The following SPECC1L variants were observed in gnomAD, a reference collection of about 807,000 sequenced individuals.
SPECC1L encodes cytospin-A.
SPECC1L carries 40 observed loss-of-function variants against 116.8 expected under a neutral mutation model. The ratio of observed to expected loss-of-function variants is 0.34; its 90% CI spans 0.27 to 0.45. The LOEUF (loss-of-function observed/expected upper bound fraction) is 0.45. Ranked by LOEUF, SPECC1L falls within the 20% of genes least tolerant of loss-of-function variation. The pLI, the probability that SPECC1L is intolerant of heterozygous loss-of-function variation, is 1.00. For synonymous variants in SPECC1L, 504 were observed against 500.6 expected (o/e 1.01, Z -0.09); for missense variants, 1,110 against 1,373.6 (o/e 0.81, Z 3.03).
At chr22:24,308,265 G>GA (rs890452484) in intron 3 of SPECC1L, among the ~76,000 whole-genome samples, 12 of 151,310 alleles carry the variant, frequency 7.9e-5, no homozygotes, top group Admixed American at 2.6e-4. Context: ...TAGCAAAAGA[G>GA]AAAAAAAAAT....
intron 4 of SPECC1L, among the ~76,000 whole-genome samples, chr22:24,318,847 T>A (rs1215078009): frequency 1.3e-5 from 2 of 151,800 alleles, no homozygotes; most frequent in Non-Finnish European, 2.9e-5. Context: ...GAGGATCACC[T>A]GAGCCTGGGA....
rs539835151 is a variant in SPECC1L at position 24,359,109 on chromosome 22, A to AG, written c.2744-4152_2744-4151insG. On this transcript the variant is annotated intron_variant, in intron 11 of 16. Coordinates refer to ENST00000314328, the MANE Select transcript of SPECC1L (RefSeq NM_015330.6). The stretch of plus-strand genomic sequence containing the variant: ...ATCTTTCCTTTGTTAAGAAAAAAAA[A>AG]CTATCCTCCCTCTGTTGCCCACCAG... 2.6e-3 allele frequency among the ~76,000 whole-genome samples: 398 copies of AG among 152,094 alleles called. 2 individuals are homozygous for AG. Among genetic ancestry groups the AG allele is most frequent in the African/African-American group, 8.9e-3 (371 of 41,510 alleles).
At chr22:24,271,008 C>G (rs892998990) in intron 1 of SPECC1L, 25 bp downstream of exon 1, 5 of 152,330 alleles carry the variant, frequency 3.3e-5, no homozygotes, top group Admixed American at 3.3e-4. Flanking sequence ...CGGGTTCCCG[C>G]AGTGTTCGCT....
chr22:24,321,560 A>C lies in SPECC1L; in HGVS notation c.580A>C (p.Thr194Pro). ...GAAGGATCTTCTCACGCTGGCAAAAACCAAAGACGTAGAAATTTTACATTT... is the reference window on the plus strand; with the variant it reads ...GAAGGATCTTCTCACGCTGGCAAAACCCAAAGACGTAGAAATTTTACATTT... ...KVKDLLTLAK[T>P]KDVEILHLRN... The change falls in exon 5 of 17, where the codon ACC becomes CCC. Residue 194 changes from threonine to proline, a missense_variant. By Grantham distance (38) the Thr-to-Pro change is conservative. Transcript: ENST00000314328. The C allele has an allele frequency of 6.2e-7, 1 of 1,614,214 alleles. No homozygotes were observed. The highest frequency in any genetic ancestry group is 8.5e-7 in the Non-Finnish European group (1 of 1,180,036).
intron 1 of SPECC1L, among the ~76,000 whole-genome samples, chr22:24,276,189 C>T (rs1045626103): frequency 4.6e-5 from 7 of 151,932 alleles, no homozygotes; most frequent in South Asian, 2.1e-4. Flanking sequence ...CCAGCCTGGG[C>T]GACATAACGG....
At chr22:24,327,277 C>CAAAAAAAA (rs58725731) in intron 6 of SPECC1L, among the ~76,000 whole-genome samples, 9 of 41,974 alleles carry the variant, frequency 2.1e-4, no homozygotes, top group Non-Finnish European at 3.3e-4. Flanking sequence ...GACTCCGTCT[C>CAAAAAAAA]AAAAAAAAAA....
At chr22:24,282,892 C>T (rs559532037) in intron 2 of SPECC1L, among the ~76,000 whole-genome samples, 8 of 151,294 alleles carry the variant, frequency 5.3e-5, no homozygotes, top group Admixed American at 1.3e-4. Flanking sequence ...ATTCTCCTGC[C>T]GTAGCCTCCC....
rs1005974498 is a variant in SPECC1L, at chr22:24,365,766, C to T, written c.2984+134C>T. On this transcript the variant is annotated intron_variant, in intron 13 of 16. Transcript: ENST00000314328. Reference sequence around the variant, plus strand: ...TTCTGTGTGTTGTTTGCGAATCTTTCTTATATCCAGAATTGAGTAAATGGT... The same window carrying T: ...TTCTGTGTGTTGTTTGCGAATCTTTTTTATATCCAGAATTGAGTAAATGGT... 4.3e-6 allele frequency: 4 copies of T among 933,610 alleles called. No individual in the cohort carries two copies. The African/African-American group carries it at 6.6e-5, about 15-fold the overall frequency. 57.8% of individuals were successfully genotyped at this position (933,610 alleles called of 1,614,324 possible).
chr22:24,316,805 G>A (rs932426927), intron 4 of SPECC1L, among the ~76,000 whole-genome samples: 6 of 146,684 alleles, frequency 4.1e-5, no homozygotes, highest in African/African-American at 1.3e-4. Context: ...ACACCTCCCA[G>A]ACGGGGTGGT....
chr22:24,296,376 T>C (rs1467265899), intron 2 of SPECC1L, among the ~76,000 whole-genome samples: 1 of 152,206 alleles, frequency 6.6e-6, no homozygotes, highest in African/African-American at 2.4e-5. Context: ...TATTTTGGTG[T>C]TTTTAAGAAA....
intron 4 of SPECC1L, among the ~76,000 whole-genome samples, chr22:24,313,842 G>A (rs1231658358): frequency 6.6e-6 from 1 of 150,958 alleles, no homozygotes; most frequent in African/African-American, 2.4e-5. Context: ...AGGTTCAAGC[G>A]ATTCTCCTGC....
At chr22:24,411,418 G>C (rs530672523) in intron 14 of SPECC1L, among the ~76,000 whole-genome samples, 170 bp from the exon 15 acceptor site, 8 of 152,324 alleles carry the variant, frequency 5.3e-5, no homozygotes, top group African/African-American at 1.9e-4. Flanking sequence ...GGGTGGGACG[G>C]GTTGGGGAGT....
At chr22:24,412,753 T>A in intron 16 of SPECC1L, 46 bp downstream of exon 16, 1 of 1,595,484 alleles carries the variant, frequency 6.3e-7, no homozygotes, top group Non-Finnish European at 8.6e-7. Flanking sequence ...CTCCTTCTGG[T>A]TAAGAAGAGT....
intron 14 of SPECC1L, among the ~76,000 whole-genome samples, chr22:24,373,071 A>G (rs1410899887): frequency 6.6e-6 from 1 of 152,234 alleles, no homozygotes; most frequent in African/African-American, 2.4e-5. Flanking sequence ...CTTATAAGGG[A>G]CATGAAGGAC....
At chr22:24,319,096 TTCC>T (rs2040665445) in intron 4 of SPECC1L, among the ~76,000 whole-genome samples, 1 of 152,186 alleles carries the variant, frequency 6.6e-6, no homozygotes. Flanking sequence ...CCTGCCCACA[TTCC>T]TCCTCTGCTG....
At chr22:24,387,278 T>C (rs1157970549) in intron 14 of SPECC1L, among the ~76,000 whole-genome samples, 1 of 152,230 alleles carries the variant, frequency 6.6e-6, no homozygotes, top group Non-Finnish European at 1.5e-5. Flanking sequence ...ACATGTAATA[T>C]TGAGCAGAAG....
rs554377158 is a variant in SPECC1L, at chr22:24,381,035, T to C, written c.3087+11715T>C. ...TGTCCAGAGACAACCACTTTTAATT[T>C]TTTTAGCCGTTGTCTTTAGGGTTTG... is the stretch of plus-strand genomic sequence containing the variant. On this transcript the variant is annotated intron_variant, in intron 14 of 16. Coordinates refer to ENST00000314328, the MANE Select transcript of SPECC1L (RefSeq NM_015330.6). Among the ~76,000 whole-genome samples the C allele has an allele frequency of 2.6e-5, 4 of 152,324 alleles. No individual in the cohort carries two copies. In the East Asian group the frequency reaches 5.8e-4, roughly 22 times the overall value.
At position 24,398,791 on chromosome 22, in the gene SPECC1L, A is replaced by C. The variant is rs2042414585; in HGVS notation, c.3088-12797A>C. ...TCCTCAAACAATCCAGTTCCCCTAAAGAGGCCAGGAAAGCTTTTGGGGGTT... is the reference window on the plus strand; with the variant it reads ...TCCTCAAACAATCCAGTTCCCCTAACGAGGCCAGGAAAGCTTTTGGGGGTT... On this transcript the variant is annotated intron_variant, in intron 14 of 16. Transcript: ENST00000314328. Among the ~76,000 whole-genome samples the C allele has an allele frequency of 1.3e-5, 2 of 152,136 alleles. 1 individual carries two copies. Among genetic ancestry groups the C allele is most frequent in the South Asian group, 4.1e-4 (2 of 4,826 alleles).
chr22:24,358,934 C>T (rs953133519), intron 11 of SPECC1L, among the ~76,000 whole-genome samples: 1 of 152,172 alleles, frequency 6.6e-6, no homozygotes, highest in Non-Finnish European at 1.5e-5. Context: ...TCTCTGTTTA[C>T]GTTTATCCAC....
Sources: allele counts gnomAD v4.1 joint callset (sites outside exome capture counted in the v4.1 genomes callset), GRCh38; gene constraint gnomAD v4.1.1; transcripts MANE v1.5; gene names NCBI Gene and HGNC (gene_info 2026-07-23, HGNC 2026-07-21).